Variants in IL21R observed in about 807,000 individuals in gnomAD.
The protein encoded by IL21R is interleukin 21 receptor.
Under a neutral mutation model 41.3 loss-of-function variants are expected in IL21R, and 14 were observed. That is an observed-to-expected ratio of 0.34 (90% CI 0.22 to 0.53). The LOEUF (loss-of-function observed/expected upper bound fraction) is 0.53. IL21R is among the 20% of genes least tolerant of loss of function. IL21R has a pLI of 0.94. For synonymous variants in IL21R, 286 were observed against 287.6 expected (o/e 0.99, Z 0.05); for missense variants, 588 against 681.6 (o/e 0.86, Z 1.53).
chr16:27,406,873 T>C (rs1434951202), intron 1 of IL21R, among the ~76,000 whole-genome samples: 1 of 152,216 alleles, frequency 6.6e-6, no homozygotes, highest in Non-Finnish European at 1.5e-5. Context: ...CAGAGTCTGC[T>C]TTCTGACCCA....
At chr16:27,402,787 G>GA in intron 1 of IL21R, among the ~76,000 whole-genome samples, 169 bp downstream of exon 1, 1 of 152,306 alleles carries the variant, frequency 6.6e-6, no homozygotes, top group Admixed American at 6.5e-5. Flanking sequence ...AGGCTGGGCA[G>GA]AAATGAGGTT....
At chr16:27,417,647 G>GT (rs2086911253) in intron 1 of IL21R, among the ~76,000 whole-genome samples, 1 of 76,176 alleles carries the variant, frequency 1.3e-5, no homozygotes, top group Admixed American at 1.3e-4. Flanking sequence ...CACCTAGGCT[G>GT]TATCTTACAG....
At chr16:27,421,121 A>G (rs1396305527) in intron 1 of IL21R, among the ~76,000 whole-genome samples, 2 of 152,134 alleles carry the variant, frequency 1.3e-5, no homozygotes, top group Non-Finnish European at 2.9e-5. Flanking sequence ...TTAAACATAA[A>G]TATATGCACT....
At position 27,449,366 on chromosome 16, in the gene IL21R, C is replaced by T. The variant is rs2087549386; in HGVS notation, c.*83C>T. 5.7e-6 allele frequency: 8 copies of T among 1,397,242 alleles called. No individual in the cohort carries two copies. The highest frequency in any genetic ancestry group is 2.3e-5 in the East Asian group (1 of 42,616). 86.6% of individuals were successfully genotyped at this position (1,397,242 alleles called of 1,614,324 possible). A position where few individuals can be genotyped will look rare whatever the true frequency, so the allele number is the denominator to read the frequency against. ...GGTCACCTGGGCTGTGATGTGAAGACACCTGCAGCCTTTGGTCTCCTGGAT... is the reference window on the plus strand; with the variant it reads ...GGTCACCTGGGCTGTGATGTGAAGATACCTGCAGCCTTTGGTCTCCTGGAT... On this transcript the variant is annotated 3_prime_UTR_variant, in exon 9 of 9. Coordinates refer to ENST00000337929, the MANE Select transcript of IL21R (RefSeq NM_181078.3).
chr16:27,403,013 T>TAAAAAA, intron 1 of IL21R: 1 of 429,598 alleles, frequency 2.3e-6, no homozygotes, highest in Non-Finnish European at 4.7e-6. Flanking sequence ...CTGTGTCAGT[T>TAAAAAA]TCTATGTCTT....
At chr16:27,420,877 T>C (rs545622176) in intron 1 of IL21R, among the ~76,000 whole-genome samples, 4 of 152,306 alleles carry the variant, frequency 2.6e-5, no homozygotes, top group African/African-American at 9.6e-5. Context: ...AAAAAACTAT[T>C]ATTGTCTCAT....
chr16:27,449,392 G>GGGCC lies in IL21R; in HGVS notation c.*110_*113dup, dbSNP rs2087549584. On this transcript the variant is annotated 3_prime_UTR_variant, in exon 9 of 9. Coordinates refer to ENST00000337929, the MANE Select transcript of IL21R (RefSeq NM_181078.3). ...ACCTGCAGCCTTTGGTCTCCTGGAT[G>GGGCC]GGCCTTTGAGCCTGATGTTTACAGT... The GGGCC allele has an allele frequency of 2.7e-6, 3 of 1,120,886 alleles. No individual in the cohort carries two copies. Among genetic ancestry groups the GGGCC allele is most frequent in the African/African-American group, 3.1e-5 (2 of 63,680 alleles). 69.4% of individuals were successfully genotyped at this position (1,120,886 alleles called of 1,614,324 possible). A position where few individuals can be genotyped will look rare whatever the true frequency, so the allele number is the denominator to read the frequency against.
intron 1 of IL21R, among the ~76,000 whole-genome samples, chr16:27,402,913 T>C (rs1394290288): frequency 6.6e-6 from 1 of 152,160 alleles, no homozygotes; most frequent in Non-Finnish European, 1.5e-5. Context: ...AAAGCCAGTT[T>C]CAAGCCAAAC....
chr16:27,441,723 T>C (rs1220931867), intron 4 of IL21R, among the ~76,000 whole-genome samples: 2 of 152,152 alleles, frequency 1.3e-5, no homozygotes, highest in Non-Finnish European at 2.9e-5. Flanking sequence ...TAAAACTTAA[T>C]ATAGGCCAGG....
chr16:27,440,248 T>TATATATATATATAGAGAGAG (rs1352160946), intron 4 of IL21R, among the ~76,000 whole-genome samples: 44 of 64,028 alleles, frequency 6.9e-4, no homozygotes, highest in African/African-American at 9.6e-4. Context: ...TATATATATA[T>TATATATATATATAGAGAGAG]AGAGAGAGAG....
intron 1 of IL21R, among the ~76,000 whole-genome samples, chr16:27,403,465 G>C (rs1217448012): frequency 6.6e-6 from 1 of 152,190 alleles, no homozygotes; most frequent in Non-Finnish European, 1.5e-5. Flanking sequence ...GGGGGAGAGT[G>C]GGGCTTTCAG....
At chr16:27,410,794 C>CTG (rs1235660122) in intron 1 of IL21R, among the ~76,000 whole-genome samples, 1 of 152,176 alleles carries the variant, frequency 6.6e-6, no homozygotes, top group Non-Finnish European at 1.5e-5. Context: ...ATGGGTGAAA[C>CTG]TCTATACCCA....
At chr16:27,425,554 GT>G (rs11384296) in intron 1 of IL21R, among the ~76,000 whole-genome samples, 1 of 148,632 alleles carries the variant, frequency 6.7e-6, no homozygotes, top group Non-Finnish European at 1.5e-5. Flanking sequence ...TTTGTGTTTT[GT>G]TTTGTTTTTT....
chr16:27,407,855 A>T (rs1327884619), intron 1 of IL21R, among the ~76,000 whole-genome samples: 1 of 151,036 alleles, frequency 6.6e-6, no homozygotes, highest in Non-Finnish European at 1.5e-5. Flanking sequence ...AACAACAAAA[A>T]ACGTATCCTC....
At chr16:27,429,291 A>C (rs530068617) in intron 1 of IL21R, among the ~76,000 whole-genome samples, 19 of 152,124 alleles carry the variant, frequency 1.2e-4, no homozygotes, top group Admixed American at 1.1e-3. Context: ...AGGAAGGAAG[A>C]TCCAAAATTG....
intron 1 of IL21R, among the ~76,000 whole-genome samples, chr16:27,420,411 C>T (rs1201453951): frequency 6.6e-6 from 1 of 152,216 alleles, no homozygotes; most frequent in Non-Finnish European, 1.5e-5. Context: ...TGAAGAACTG[C>T]AAAACTGTTT....
At chr16:27,430,238 T>C in intron 2 of IL21R, 118 bp downstream of exon 2, 1 of 809,744 alleles carries the variant, frequency 1.2e-6, no homozygotes, top group Middle Eastern at 3.3e-4. Context: ...TCAGAAAAGA[T>C]GACATCCATG....
At chr16:27,438,546 G>A (rs1045871561) in intron 4 of IL21R, among the ~76,000 whole-genome samples, 5 of 151,784 alleles carry the variant, frequency 3.3e-5, no homozygotes, top group African/African-American at 7.3e-5. Context: ...GCAATATAGC[G>A]AGACCTCATC....
At chr16:27,408,868 A>G (rs1402714160) in intron 1 of IL21R, among the ~76,000 whole-genome samples, 2 of 152,212 alleles carry the variant, frequency 1.3e-5, no homozygotes, top group African/African-American at 2.4e-5. Flanking sequence ...CCATTCCTCA[A>G]TCGTGTGACA....
Sources: allele counts gnomAD v4.1 joint callset (sites outside exome capture counted in the v4.1 genomes callset), GRCh38; gene constraint gnomAD v4.1.1; transcripts MANE v1.5; gene names NCBI Gene and HGNC (gene_info 2026-07-23, HGNC 2026-07-21).